Variants in USP32 observed in about 807,000 individuals in gnomAD.
USP32 encodes ubiquitin carboxyl-terminal hydrolase 32.
In USP32, 59 loss-of-function variants were observed where a neutral mutation model predicts 204.8. That is an observed-to-expected ratio of 0.29 (90% CI 0.23 to 0.36). The LOEUF (loss-of-function observed/expected upper bound fraction) is 0.36. Among genes scored for constraint, USP32 ranks in the 10% least tolerant of loss-of-function variants. USP32 has a pLI of 1.00. For missense variants in USP32, 1,160 were observed against 1,946.4 expected (o/e 0.60, Z 7.60); for synonymous variants, 517 against 678.4 (o/e 0.76, Z 3.70).
intron 5 of USP32, among the ~76,000 whole-genome samples, chr17:60,278,393 G>A (rs1221029408): frequency 6.6e-6 from 1 of 151,968 alleles, no homozygotes; most frequent in Non-Finnish European, 1.5e-5. Flanking sequence ...AGAGTTTTCT[G>A]GGAGCACATA....
In USP32 at chr17:60,223,602, A is replaced by G. The variant is rs1221991597; in HGVS notation, c.1433-16T>C. 1 of 1,573,010 alleles carries G rather than the reference A, an allele frequency of 6.4e-7. No homozygotes were observed. Among genetic ancestry groups the G allele is most frequent in the Non-Finnish European group, 8.6e-7 (1 of 1,166,344 alleles). ...TACAGAAAGCCTATAAAAAAAAAAG[A>G]GGATAGAATCTCTTATTTTTAGTTA... is the stretch of plus-strand genomic sequence containing the variant. On this transcript the variant is annotated splice_polypyrimidine_tract_variant and intron_variant, in intron 13 of 33. Transcript: ENST00000300896.
At chr17:60,312,147 C>T (rs1015082166) in intron 2 of USP32, among the ~76,000 whole-genome samples, 3 of 152,182 alleles carry the variant, frequency 2.0e-5, no homozygotes, top group African/African-American at 7.2e-5. Context: ...CAAGTCGTCT[C>T]ATTCCAGGAC....
intron 16 of USP32, among the ~76,000 whole-genome samples, chr17:60,216,955 G>T (rs1341468894): frequency 2.0e-5 from 3 of 150,552 alleles, no homozygotes; most frequent in African/African-American, 7.5e-5. Flanking sequence ...AATGATTAAT[G>T]ATTGATTTCA....
chr17:60,413,115 G>A (rs1046843254), intron 1 of USP32, among the ~76,000 whole-genome samples: 8 of 152,216 alleles, frequency 5.3e-5, no homozygotes, highest in Admixed American at 2.6e-4. Context: ...AGATAAGAGT[G>A]AAGAAAATAG....
intron 12 of USP32, among the ~76,000 whole-genome samples, chr17:60,232,824 G>C (rs2085607733): frequency 6.6e-6 from 1 of 152,072 alleles, no homozygotes; most frequent in East Asian, 1.9e-4. Flanking sequence ...TGGGATAATA[G>C]GCGTGAGCCA....
intron 1 of USP32, among the ~76,000 whole-genome samples, chr17:60,385,487 G>A (rs780268754): frequency 5.3e-5 from 8 of 152,176 alleles, no homozygotes; most frequent in South Asian, 2.1e-4. Context: ...AGAGGTTGCA[G>A]TGAGCCAAGA....
At chr17:60,192,162 G>A (rs79328572) in intron 28 of USP32, among the ~76,000 whole-genome samples, 6,015 of 151,932 alleles carry the variant, frequency 0.04, 436 homozygotes, top group African/African-American at 0.14. Context: ...ACAGTGGTGT[G>A]CACCTGTAGT....
intron 1 of USP32, among the ~76,000 whole-genome samples, chr17:60,360,246 G>C (rs1318168205): frequency 1.3e-5 from 2 of 152,164 alleles, no homozygotes; most frequent in African/African-American, 4.8e-5. Context: ...ATGCGAGGTG[G>C]CCTTCTGACT....
At position 60,349,623 on chromosome 17, in the gene USP32, A is replaced by ATT. The variant is rs781732817; in HGVS notation, c.59-4017_59-4016dup. On this transcript the variant is annotated intron_variant, in intron 1 of 33. Transcript: ENST00000300896. ...TATATATATATATATATATATATATATTATATATATATATATATATTATAT... is the reference window on the plus strand; with the variant it reads ...TATATATATATATATATATATATATATTTTATATATATATATATATATTATAT... 1.4e-4 allele frequency among the ~76,000 whole-genome samples: 9 copies of ATT among 65,662 alleles called. No homozygotes were observed. In the East Asian group the frequency reaches 3.3e-3, roughly 24 times the overall value. The allele number at this position is 65,662 out of a possible 152,430, so 43.1% of individuals were successfully genotyped here.
intron 1 of USP32, among the ~76,000 whole-genome samples, chr17:60,406,368 AG>A (rs1355528152): frequency 1.3e-5 from 2 of 151,586 alleles, no homozygotes; most frequent in African/African-American, 4.8e-5. Flanking sequence ...TAGTAGAGAA[AG>A]GGTTTTGCCA....
intron 33 of USP32, among the ~76,000 whole-genome samples, chr17:60,179,959 C>T (rs976164426): frequency 5.3e-5 from 8 of 150,384 alleles, no homozygotes; most frequent in Non-Finnish European, 7.4e-5. Context: ...CGTGAGCCAC[C>T]GTGTTCGGCC....
Position 60,236,152 on chromosome 17 carries a change from C to T in USP32, c.1225G>A (p.Glu409Lys), listed in dbSNP as rs1282502616. 5 of 1,613,682 alleles carry T rather than the reference C, an allele frequency of 3.1e-6. No individual in the cohort carries two copies. The African/African-American group carries it at 6.7e-5, about 22-fold the overall frequency. Residue 409 changes from glutamate to lysine, a missense_variant, in exon 12 of 34, where the codon GAA becomes AAA. Coordinates refer to ENST00000300896, the MANE Select transcript of USP32 (RefSeq NM_032582.4). ...ISMQWWQQWK[E>K]YVKYDANPVV... ...ATCTAACTCACGTATTTGACATATT[C>T]TTTCCACTGTTGCCACCACTGCATG...
At chr17:60,268,210 T>G (rs1241251242) in intron 7 of USP32, among the ~76,000 whole-genome samples, 2 of 152,142 alleles carry the variant, frequency 1.3e-5, no homozygotes, top group African/African-American at 4.8e-5. Flanking sequence ...CTAGTTTAAC[T>G]TCCATTAGTT....
Position 60,185,896 on chromosome 17 carries a change from T to C in USP32, c.3643-245A>G, listed in dbSNP as rs2084238605. On this transcript the variant is annotated intron_variant, in intron 29 of 33. Transcript: ENST00000300896. ...GGTCAAAAGAGTGAGACCCTGTCTC[T>C]GTAAAAGAAAAATCTAAAAATTAGC... 1.0e-5 allele frequency: 4 copies of C among 387,842 alleles called. No individual in the cohort carries two copies. In the East Asian group the frequency reaches 1.5e-4, roughly 15 times the overall value. The allele number at this position is 387,842 out of a possible 1,614,324, so 24.0% of individuals were successfully genotyped here.
intron 1 of USP32, among the ~76,000 whole-genome samples, chr17:60,349,614 TATATATATATTATATA>T (rs1443445646): frequency 1.4e-5 from 1 of 69,870 alleles, no homozygotes; most frequent in African/African-American, 1.2e-4. Context: ...TATATATATA[TATATATATATTATATA>T]TATATATATA....
In USP32 at chr17:60,209,511, A is replaced by G. The variant is rs2668970; in HGVS notation, c.2457T>C (p.Asn819=). 10 of 1,601,666 alleles carry G rather than the reference A, an allele frequency of 6.2e-6. No homozygotes were observed. The highest frequency in any genetic ancestry group is 4.5e-5 in the East Asian group (2 of 44,432). Residue 819 remains asparagine, a synonymous_variant, in exon 22 of 34, where the codon AAT becomes AAC. Coordinates refer to ENST00000300896, the MANE Select transcript of USP32 (RefSeq NM_032582.4). ...WTIAKYAPRF[N]GFQQQDSQEL... ...CTTGGGAGTCCTGTTGCTGAAACCC[A>G]TTAAACCTGGGAGCATATTTTGCTA... is the stretch of plus-strand genomic sequence containing the variant.
At chr17:60,308,715 G>T (rs911482569) in intron 2 of USP32, among the ~76,000 whole-genome samples, 3 of 152,178 alleles carry the variant, frequency 2.0e-5, no homozygotes, top group African/African-American at 7.2e-5. Context: ...ATCACTTGAG[G>T]TCAGGAGTTC....
chr17:60,256,315 G>A (rs2086303081), intron 9 of USP32, among the ~76,000 whole-genome samples: 1 of 152,146 alleles, frequency 6.6e-6, no homozygotes, highest in Non-Finnish European at 1.5e-5. Context: ...AGGGAGAGGG[G>A]TAGGCAAATC....
chr17:60,237,050 C>G (rs975453446), intron 11 of USP32, among the ~76,000 whole-genome samples: 1 of 152,016 alleles, frequency 6.6e-6, no homozygotes, highest in Admixed American at 6.6e-5. Context: ...TTTAACATTC[C>G]CATCAGCAAT....
Sources: allele counts gnomAD v4.1 joint callset (sites outside exome capture counted in the v4.1 genomes callset), GRCh38; gene constraint gnomAD v4.1.1; transcripts MANE v1.5; gene names NCBI Gene and HGNC (gene_info 2026-07-23, HGNC 2026-07-21).